Variants in KAZN observed in about 807,000 individuals in gnomAD.
The protein encoded by KAZN is kazrin.
Under a neutral mutation model 87.4 loss-of-function variants are expected in KAZN, and 40 were observed. The ratio of observed to expected loss-of-function variants is 0.46; its 90% confidence interval spans 0.36 to 0.60. The LOEUF (loss-of-function observed/expected upper bound fraction) is 0.60. KAZN is among the 20% of genes least tolerant of loss of function. The probability of loss-of-function intolerance (pLI) is 0.00; values close to 1 mark genes in which losing one functional copy is unlikely to be tolerated. For synonymous variants in KAZN, 466 were observed against 458.3 expected (o/e 1.02, Z -0.22); for missense variants, 898 against 1,073.9 (o/e 0.84, Z 2.29).
chr1:14,622,084 A>G (rs972679993), intron 1 of KAZN, among the ~76,000 whole-genome samples: 5 of 152,192 alleles, frequency 3.3e-5, no homozygotes, highest in Admixed American at 6.5e-5. Flanking sequence ...TGAAGAGGCC[A>G]TTTTAGAAGA....
chr1:14,919,585 C>G (rs1445819021), intron 1 of KAZN, among the ~76,000 whole-genome samples: 2 of 152,196 alleles, frequency 1.3e-5, no homozygotes, highest in Admixed American at 1.3e-4. Flanking sequence ...TGGGGTGTTA[C>G]AAAACTCTGC....
intron 2 of KAZN, among the ~76,000 whole-genome samples, chr1:14,213,778 A>G (rs533951139): frequency 6.6e-6 from 1 of 152,292 alleles, no homozygotes; most frequent in Admixed American, 6.5e-5. Context: ...GGAAGATTAG[A>G]AGCAGGGGGT....
At chr1:14,053,159 CTGT>C (rs1459925356) in intron 1 of KAZN, among the ~76,000 whole-genome samples, 1 of 152,182 alleles carries the variant, frequency 6.6e-6, no homozygotes, top group Non-Finnish European at 1.5e-5. Context: ...TCTAGAGTTG[CTGT>C]TGTTCTCCCA....
At chr1:14,644,002 C>CTTTTTTTT (rs34535562) in intron 1 of KAZN, among the ~76,000 whole-genome samples, 53 of 60,362 alleles carry the variant, frequency 8.8e-4, no homozygotes, top group South Asian at 1.2e-3. Flanking sequence ...CCTTTGCCCA[C>CTTTTTTTT]TTTTTTTTTT....
At chr1:15,095,311 G>A (rs1369847227) in intron 10 of KAZN, among the ~76,000 whole-genome samples, 3 of 151,982 alleles carry the variant, frequency 2.0e-5, no homozygotes, top group South Asian at 4.2e-4. Flanking sequence ...ATAACAGGGT[G>A]AGGAAAAACG....
chr1:14,246,340 A>C (rs1310678497), intron 2 of KAZN, among the ~76,000 whole-genome samples: 1 of 78,478 alleles, frequency 1.3e-5, no homozygotes, highest in East Asian at 5.3e-4. Flanking sequence ...ATTAAAAAAT[A>C]TATAGTATTT....
intron 1 of KAZN, among the ~76,000 whole-genome samples, chr1:14,156,365 T>C (rs1163431387): frequency 6.6e-6 from 1 of 152,214 alleles, no homozygotes; most frequent in Non-Finnish European, 1.5e-5. Flanking sequence ...TGGTCTATAG[T>C]GGAGGTTAAA....
intron 2 of KAZN, among the ~76,000 whole-genome samples, chr1:14,186,659 T>C (rs972893688): frequency 6.6e-6 from 1 of 152,152 alleles, no homozygotes; most frequent in Non-Finnish European, 1.5e-5. Flanking sequence ...GGCTTGTTGA[T>C]GGATGGTCTC....
At chr1:14,553,453 TCAA>T (rs1292123210) in intron 2 of KAZN, among the ~76,000 whole-genome samples, 1 of 152,220 alleles carries the variant, frequency 6.6e-6, no homozygotes, top group Non-Finnish European at 1.5e-5. Context: ...CAAGTGAAAC[TCAA>T]CATGTCAGTG....
chr1:14,042,437 C>A (rs1031903444), intron 1 of KAZN, among the ~76,000 whole-genome samples: 1 of 152,210 alleles, frequency 6.6e-6, no homozygotes, highest in African/African-American at 2.4e-5. Flanking sequence ...GTCTCAGCTA[C>A]CTCTGTACCT....
At chr1:15,020,578 C>T (rs1054731189) in intron 2 of KAZN, among the ~76,000 whole-genome samples, 1 of 152,166 alleles carries the variant, frequency 6.6e-6, no homozygotes, top group Non-Finnish European at 1.5e-5. Context: ...GTCCGTGTGG[C>T]TCTTCTGCGT....
At chr1:14,911,808 T>C (rs1035247366) in intron 1 of KAZN, among the ~76,000 whole-genome samples, 3 of 152,096 alleles carry the variant, frequency 2.0e-5, no homozygotes, top group Non-Finnish European at 4.4e-5. Context: ...CTCTGGAAGA[T>C]TGTTCTATCT....
chr1:14,183,584 G>A (rs769519484), intron 2 of KAZN, among the ~76,000 whole-genome samples: 6 of 151,958 alleles, frequency 3.9e-5, no homozygotes, highest in Non-Finnish European at 8.8e-5. Flanking sequence ...GATTAGATTC[G>A]TAACACCGAA....
chr1:14,174,833 T>G (rs1440257144), intron 1 of KAZN, among the ~76,000 whole-genome samples: 1 of 152,178 alleles, frequency 6.6e-6, no homozygotes, highest in Non-Finnish European at 1.5e-5. Flanking sequence ...ATACAATCTG[T>G]CTCTAATTCT....
chr1:14,509,197 C>T (rs1294322858), intron 2 of KAZN, among the ~76,000 whole-genome samples: 2 of 152,192 alleles, frequency 1.3e-5, no homozygotes, highest in Non-Finnish European at 2.9e-5. Context: ...AAAGGCTGAC[C>T]GTGCTCCAGG....
At position 14,699,849 on chromosome 1, in the gene KAZN, T is replaced by C. The variant is rs1329742663; in HGVS notation, c.226+100626T>C. On this transcript the variant is annotated intron_variant, in intron 1 of 14. Coordinates refer to ENST00000376030, the MANE Select transcript of KAZN (RefSeq NM_201628.3). ...ATTTCAAACTGTCTCTGTGATGTCA[T>C]GCTGATATCATGGGAAGAGATGTGC... Among the ~76,000 whole-genome samples, 3 of 152,178 alleles carry C rather than the reference T, an allele frequency of 2.0e-5. No homozygotes were observed. In the South Asian group the frequency reaches 6.2e-4, roughly 32 times the overall value.
At chr1:15,058,772 G>A (rs927712954) in intron 5 of KAZN, among the ~76,000 whole-genome samples, 1 of 152,168 alleles carries the variant, frequency 6.6e-6, no homozygotes, top group Admixed American at 6.5e-5. Flanking sequence ...TGTAAGCCCA[G>A]CACTTTGGGA....
intron 1 of KAZN, among the ~76,000 whole-genome samples, chr1:14,915,399 C>A (rs2101431237): frequency 6.6e-6 from 1 of 152,274 alleles, no homozygotes; most frequent in Non-Finnish European, 1.5e-5. Flanking sequence ...CCCTTGCTGG[C>A]CCCTGGCCCT....
intron 8 of KAZN, among the ~76,000 whole-genome samples, chr1:15,071,785 T>C (rs551468909): frequency 2.0e-5 from 3 of 152,306 alleles, no homozygotes; most frequent in Admixed American, 6.5e-5. Flanking sequence ...CAAGGCCTTG[T>C]GACGTTGCCA....
Sources: gnomAD v4.1 joint callset for allele counts (sites outside exome capture counted in the v4.1 genomes callset) on GRCh38, gnomAD v4.1.1 for gene constraint, MANE v1.5 for transcripts, NCBI Gene and HGNC (gene_info 2026-07-23, HGNC 2026-07-21) for gene names.